Variants in FBXO38 observed in about 807,000 individuals in gnomAD.
FBXO38 encodes the protein F-box protein 38, also known as F-box only protein 38.
A neutral mutation model predicts 131.9 loss-of-function variants in FBXO38; 53 were observed. That is an observed-to-expected ratio of 0.40 (90% CI 0.32 to 0.51). The LOEUF (loss-of-function observed/expected upper bound fraction) is 0.51. Ranked by LOEUF, FBXO38 falls within the 20% of genes least tolerant of loss-of-function variation. The pLI is 0.53. For missense variants in FBXO38, 1,076 were observed against 1,475.6 expected, an observed-to-expected ratio of 0.73 and a Z score of 4.44; for synonymous variants, 452 against 505.6, an observed-to-expected ratio of 0.89 and a Z score of 1.42.
chr5:148,390,186 A>G (rs923478601), intron 1 of FBXO38, among the ~76,000 whole-genome samples: 11 of 152,208 alleles, frequency 7.2e-5, no homozygotes, highest in Non-Finnish European at 1.2e-4. Context: ...CACTTAAATG[A>G]AGATGAAGCC....
intron 9 of FBXO38, among the ~76,000 whole-genome samples, chr5:148,412,796 T>A (rs1752834941): frequency 6.6e-6 from 1 of 152,106 alleles, no homozygotes; most frequent in Non-Finnish European, 1.5e-5. Context: ...ATGTATACAT[T>A]TACAGTAATC....
Position 148,442,221 on chromosome 5 carries a change from G to C in FBXO38, c.*74G>C. 7.0e-7 allele frequency: 1 copy of C among 1,434,934 alleles called. No individual in the cohort carries two copies. The highest frequency in any genetic ancestry group is 1.4e-5 in the African/African-American group (1 of 71,148). The allele number at this position is 1,434,934 out of a possible 1,614,324, so 88.9% of individuals were successfully genotyped here. A position where few individuals can be genotyped will look rare whatever the true frequency, so the allele number is the denominator to read the frequency against. On this transcript the variant is annotated 3_prime_UTR_variant, in exon 22 of 22. Coordinates refer to ENST00000340253, the MANE Select transcript of FBXO38 (RefSeq NM_205836.3). ...ATCCAGCTGCCAGAGTGCTCCACAG[G>C]GACTTGAGGCATGCAGTTGGGAGGT...
intron 12 of FBXO38, among the ~76,000 whole-genome samples, chr5:148,420,245 C>T (rs1444232179): frequency 6.6e-6 from 1 of 151,752 alleles, no homozygotes; most frequent in African/African-American, 2.4e-5. Context: ...ACCTCAGCCT[C>T]CCGAGTAGCT....
chr5:148,400,189 A>G (rs17776882), intron 3 of FBXO38, among the ~76,000 whole-genome samples: 60,648 of 151,844 alleles, frequency 0.4, 13,850 homozygotes, highest in African/African-American at 0.62. Flanking sequence ...AACCACGGTT[A>G]CTTTCAGATA....
intron 12 of FBXO38, among the ~76,000 whole-genome samples, chr5:148,417,799 GAGTGA>G (rs1159425311): frequency 6.6e-6 from 1 of 152,188 alleles, no homozygotes; most frequent in Non-Finnish European, 1.5e-5. Context: ...TTCTGTTGAT[GAGTGA>G]AGTGATGTGA....
chr5:148,425,354 G>A (rs989182216), intron 13 of FBXO38, among the ~76,000 whole-genome samples, 168 bp from the exon 14 acceptor site: 7 of 152,164 alleles, frequency 4.6e-5, no homozygotes, highest in African/African-American at 1.2e-4. Context: ...GAGTTGAGTT[G>A]CTTTCACAGT....
At chr5:148,393,109 A>G (rs1442225144) in intron 1 of FBXO38, among the ~76,000 whole-genome samples, 1 of 151,830 alleles carries the variant, frequency 6.6e-6, no homozygotes. Flanking sequence ...AATTCAGGGT[A>G]GCATAGCCCA....
chr5:148,401,760 C>A (rs1752164981), intron 3 of FBXO38, among the ~76,000 whole-genome samples: 1 of 152,120 alleles, frequency 6.6e-6, no homozygotes, highest in Admixed American at 6.5e-5. Context: ...ATAATAAAAG[C>A]CTCCTCCATA....
At chr5:148,390,364 T>C (rs1284793144) in intron 1 of FBXO38, among the ~76,000 whole-genome samples, 1 of 152,204 alleles carries the variant, frequency 6.6e-6, no homozygotes, top group Non-Finnish European at 1.5e-5. Context: ...GTCCTGTCAA[T>C]CTCCTATATA....
At chr5:148,390,963 A>T (rs1367607394) in intron 1 of FBXO38, among the ~76,000 whole-genome samples, 1 of 152,242 alleles carries the variant, frequency 6.6e-6, no homozygotes, top group African/African-American at 2.4e-5. Flanking sequence ...TCGATGAAGG[A>T]TTGTCAAGAT....
intron 17 of FBXO38, 36 bp from the exon 18 acceptor site, chr5:148,438,296 A>G (rs1376696495): frequency 1.9e-6 from 3 of 1,597,216 alleles, no homozygotes; most frequent in African/African-American, 1.3e-5. Context: ...TCCAAAGATG[A>G]TATGTACGGA....
rs755159392 is a variant in FBXO38 at position 148,425,569 on chromosome 5, C to T, written c.1786C>T (p.His596Tyr). Residue 596 changes from histidine to tyrosine, a missense_variant, in exon 14 of 22, where the codon CAT becomes TAT. Around this residue, in one of 8 missense-constraint regions of FBXO38, gnomAD observed 212 missense variants for 221.2 expected, o/e 0.96. Transcript: ENST00000340253. The stretch of plus-strand genomic sequence containing the variant: ...AGTAAAACCAACCTCAATTACTGTT[C>T]ATGATTCAGAGAGTGATGATGAAGA... The part of the protein sequence containing the change: ...RVVKPTSITV[H>Y]DSESDDEEDS... 6.2e-6 allele frequency: 10 copies of T among 1,613,494 alleles called. No homozygotes were observed. The African/African-American group carries it at 1.1e-4, about 17-fold the overall frequency.
At chr5:148,402,297 G>A (rs549897912) in intron 4 of FBXO38, 51 bp from the exon 5 acceptor site, 1 of 1,563,838 alleles carries the variant, frequency 6.4e-7, no homozygotes, top group South Asian at 1.2e-5. Context: ...ATAAAGCTTT[G>A]GATGCTAAAC....
chr5:148,412,253 G>C (rs1752804412), intron 9 of FBXO38, among the ~76,000 whole-genome samples: 1 of 151,948 alleles, frequency 6.6e-6, no homozygotes, highest in Non-Finnish European at 1.5e-5. Flanking sequence ...ACTATCTTCT[G>C]TCCCTCCAAA....
intron 17 of FBXO38, 144 bp downstream of exon 17, chr5:148,433,881 A>G (rs1754187073): frequency 4.0e-6 from 2 of 502,602 alleles, no homozygotes; most frequent in Non-Finnish European, 7.2e-6. Context: ...CCTTTGTTCT[A>G]GTTCTCAAAT....
chr5:148,419,339 TACACACACACACA>T (rs948057881), intron 12 of FBXO38, among the ~76,000 whole-genome samples: 1 of 151,648 alleles, frequency 6.6e-6, no homozygotes, highest in South Asian at 2.1e-4. Context: ...TAAACATGTA[TACACACACACACA>T]ACACACACAC....
At position 148,441,327 on chromosome 5, in the gene FBXO38, G is replaced by A. The variant is rs1561550591; in HGVS notation, c.3388+90G>A. On this transcript the variant is annotated intron_variant, in intron 21 of 21. Transcript: ENST00000340253. ...AATATCTTTTTGTGAGTTAGGAGCA[G>A]TGCAGTGTTAAATGGTTTCCCATAG... 4 of 915,012 alleles carry A rather than the reference G, an allele frequency of 4.4e-6. No homozygotes were observed. The African/African-American group carries it at 6.7e-5, about 15-fold the overall frequency. The allele number at this position is 915,012 out of a possible 1,614,324, so 56.7% of individuals were successfully genotyped here. A position where few individuals can be genotyped will look rare whatever the true frequency, so the allele number is the denominator to read the frequency against.
At chr5:148,397,427 C>G (rs957806986) in intron 2 of FBXO38, among the ~76,000 whole-genome samples, 1 of 151,970 alleles carries the variant, frequency 6.6e-6, no homozygotes, top group Admixed American at 6.6e-5. Flanking sequence ...CATTGGATAA[C>G]AATATTTAGG....
chr5:148,428,430 A>G (rs933370529), intron 15 of FBXO38, among the ~76,000 whole-genome samples: 4 of 152,192 alleles, frequency 2.6e-5, no homozygotes, highest in Non-Finnish European at 4.4e-5. Context: ...GCTTCAAGTA[A>G]GATTTGCCAG....
Sources: gnomAD v4.1 joint callset for allele counts (sites outside exome capture counted in the v4.1 genomes callset) on GRCh38, gnomAD v4.1.1 for gene constraint, gnomAD v4.1.1 regional missense constraint, MANE v1.5 for transcripts, NCBI Gene and HGNC (gene_info 2026-07-23, HGNC 2026-07-21) for gene names.